CMSS1: variants seen among roughly 807,000 people sequenced by gnomAD.
CMSS1 encodes the protein protein CMSS1.
A neutral mutation model predicts 43.5 loss-of-function variants in CMSS1; 33 were observed. The ratio of observed to expected loss-of-function variants is 0.76; its 90% CI spans 0.57 to 1.01. The LOEUF (loss-of-function observed/expected upper bound fraction) is 1.01. CMSS1 is among the 50% of genes least tolerant of loss of function. CMSS1 has a pLI of 0.00. For missense variants in CMSS1, 313 were observed against 326.4 expected (o/e 0.96, Z 0.32); for synonymous variants, 115 against 117.2 (o/e 0.98, Z 0.12).
At chr3:100,120,774 G>T (rs1275287910) in intron 1 of CMSS1, among the ~76,000 whole-genome samples, 1 of 151,700 alleles carries the variant, frequency 6.6e-6, no homozygotes, top group Non-Finnish European at 1.5e-5. Context: ...CACGGGGTGG[G>T]GGTGGGGATG....
rs556072407 is a variant in CMSS1, at chr3:99,848,892, G to A, written c.64+30849G>A. 2.5e-6 allele frequency: 4 copies of A among 1,614,182 alleles called. No homozygotes were observed. The South Asian group carries it at 4.4e-5, about 18-fold the overall frequency. ...GTATCACTGCAGTACTCGTGTAAGA[G>A]TGAGGACTCTCTGTGGTTGGACTTG... is the stretch of plus-strand genomic sequence containing the variant. On this transcript the variant is annotated intron_variant, in intron 1 of 9. Coordinates refer to ENST00000421999, the MANE Select transcript of CMSS1 (RefSeq NM_032359.4).
chr3:100,019,576 G>A (rs936759473), intron 1 of CMSS1, among the ~76,000 whole-genome samples: 3 of 152,056 alleles, frequency 2.0e-5, no homozygotes, highest in Admixed American at 6.5e-5. Context: ...CTATTTTAAT[G>A]TATTTAAAGA....
At chr3:99,980,054 C>T (rs147478229) in intron 1 of CMSS1, among the ~76,000 whole-genome samples, 8 of 152,136 alleles carry the variant, frequency 5.3e-5, no homozygotes, top group Non-Finnish European at 8.8e-5. Context: ...GCAAAGATTA[C>T]TTAGAAGCTG....
intron 1 of CMSS1, among the ~76,000 whole-genome samples, chr3:100,002,362 T>G (rs1349711126): frequency 1.3e-5 from 2 of 152,216 alleles, no homozygotes; most frequent in African/African-American, 4.8e-5. Flanking sequence ...TTATATCCCC[T>G]GATACACATT....
intron 1 of CMSS1, among the ~76,000 whole-genome samples, chr3:100,106,288 A>C (rs2066394089): frequency 6.6e-6 from 1 of 152,128 alleles, no homozygotes; most frequent in Non-Finnish European, 1.5e-5. Context: ...CTTGCAGATG[A>C]TAATGTCAGA....
At position 100,171,762 on chromosome 3, in the gene CMSS1, A is replaced by C; in HGVS notation, c.519-77A>C. ...ATGCACACATCCTTTGAATAAAGCAAGACATAATACTTAAGTAGTCATCGT... is the reference window on the plus strand; with the variant it reads ...ATGCACACATCCTTTGAATAAAGCACGACATAATACTTAAGTAGTCATCGT... On this transcript the variant is annotated intron_variant, in intron 6 of 9. Transcript: ENST00000421999. The C allele has an allele frequency of 2.6e-6, 3 of 1,139,826 alleles. No individual in the cohort carries two copies. The South Asian group carries it at 3.7e-5, about 14-fold the overall frequency. The allele number at this position is 1,139,826 out of a possible 1,614,324, so 70.6% of individuals were successfully genotyped here.
intron 1 of CMSS1, among the ~76,000 whole-genome samples, chr3:99,851,909 T>A (rs1418235242): frequency 6.6e-6 from 1 of 152,186 alleles, no homozygotes; most frequent in African/African-American, 2.4e-5. Context: ...GGTGTTTTCA[T>A]AACATTTGAG....
intron 2 of CMSS1, among the ~76,000 whole-genome samples, chr3:100,156,555 C>G (rs1356795278): frequency 1.3e-5 from 2 of 152,060 alleles, no homozygotes; most frequent in African/African-American, 4.8e-5. Flanking sequence ...AATCCGCCCT[C>G]CTCGGCCTCC....
chr3:99,827,888 G>A (rs761733580), intron 1 of CMSS1, among the ~76,000 whole-genome samples: 15 of 152,220 alleles, frequency 9.9e-5, no homozygotes, highest in Non-Finnish European at 2.2e-4. Flanking sequence ...ACAGGCGTGA[G>A]CCACCGTGCC....
chr3:100,014,895 C>CTTTTTTTTT (rs1233573719), intron 1 of CMSS1, among the ~76,000 whole-genome samples: 30 of 24,998 alleles, frequency 1.2e-3, no homozygotes, highest in Non-Finnish European at 1.4e-3. Flanking sequence ...TTCTTTCTTT[C>CTTTTTTTTT]TTTTTTTTTT....
intron 1 of CMSS1, among the ~76,000 whole-genome samples, chr3:100,014,887 C>CTTTTT (rs1559725867): frequency 3.1e-5 from 1 of 32,462 alleles, no homozygotes; most frequent in Non-Finnish European, 5.8e-5. Context: ...TTTTTTTTTT[C>CTTTTT]TTTCTTTCTT....
In CMSS1 at chr3:99,889,279, G is replaced by A. The variant is rs189675726; in HGVS notation, c.64+71236G>A. On this transcript the variant is annotated intron_variant, in intron 1 of 9. Transcript: ENST00000421999. The stretch of plus-strand genomic sequence containing the variant: ...ATTCTTGCTTTACATATTTTTAGAT[G>A]CACACAAATTCAAACTGTTCCTAGG... 1.6e-3 allele frequency among the ~76,000 whole-genome samples: 245 copies of A among 152,082 alleles called. 1 individual carries two copies. Among genetic ancestry groups the A allele is most frequent in the African/African-American group, 5.8e-3 (240 of 41,498 alleles).
chr3:99,924,454 C>T (rs757063289), intron 1 of CMSS1: 1 of 1,544,458 alleles, frequency 6.5e-7, no homozygotes, highest in Non-Finnish European at 8.9e-7. Context: ...TGTTTATATA[C>T]TGTTGTCTTT....
intron 1 of CMSS1, among the ~76,000 whole-genome samples, chr3:100,079,929 G>A (rs937020358): frequency 6.6e-6 from 1 of 151,900 alleles, no homozygotes; most frequent in Non-Finnish European, 1.5e-5. Flanking sequence ...TGCATATATG[G>A]GTAATGTCAT....
At chr3:100,101,502 G>A (rs916687165) in intron 1 of CMSS1, among the ~76,000 whole-genome samples, 4 of 152,086 alleles carry the variant, frequency 2.6e-5, no homozygotes, top group South Asian at 2.1e-4. Context: ...CCTTGCTTTC[G>A]GTGAAGTACT....
At chr3:99,988,529 A>G (rs1709421389) in intron 1 of CMSS1, among the ~76,000 whole-genome samples, 1 of 148,500 alleles carries the variant, frequency 6.7e-6, no homozygotes, top group Non-Finnish European at 1.5e-5. Context: ...AAAAAAAAAA[A>G]AGAAAGAAAA....
intron 1 of CMSS1, among the ~76,000 whole-genome samples, chr3:99,921,091 A>T (rs577605098): frequency 1.3e-5 from 2 of 152,290 alleles, no homozygotes; most frequent in African/African-American, 4.8e-5. Flanking sequence ...TGAGGAAGGA[A>T]GTAAACATTG....
At chr3:99,907,163 G>A (rs1706644324) in intron 1 of CMSS1, among the ~76,000 whole-genome samples, 1 of 152,114 alleles carries the variant, frequency 6.6e-6, no homozygotes, top group Admixed American at 6.6e-5. Flanking sequence ...TCAGCTTCTT[G>A]TACTCTTAAT....
intron 1 of CMSS1, among the ~76,000 whole-genome samples, chr3:100,057,286 A>T (rs983591475): frequency 7.2e-5 from 11 of 152,214 alleles, no homozygotes; most frequent in Non-Finnish European, 8.8e-5. Context: ...AAACCAGGAA[A>T]GCAGTGAGAT....
Sources: gnomAD v4.1 joint callset for allele counts (sites outside exome capture counted in the v4.1 genomes callset) on GRCh38, gnomAD v4.1.1 for gene constraint, MANE v1.5 for transcripts, NCBI Gene and HGNC (gene_info 2026-07-23, HGNC 2026-07-21) for gene names.